Variants in GRM8 observed in about 807,000 individuals in gnomAD.
GRM8 encodes glutamate metabotropic receptor 8.
GRM8 carries 47 observed loss-of-function variants against 87.2 expected under a neutral mutation model. The observed-to-expected ratio is 0.54, with a 90% CI of 0.43 to 0.69. The LOEUF (loss-of-function observed/expected upper bound fraction) is 0.69, where lower values mean the gene tolerates loss of function less well. Ranked by LOEUF, GRM8 falls within the 30% of genes least tolerant of loss-of-function variation. GRM8 has a pLI of 0.00. For missense variants in GRM8, 1,019 were observed against 1,139.2 expected (o/e 0.89, Z 1.52); for synonymous variants, 396 against 404.5 (o/e 0.98, Z 0.25).
At chr7:126,631,914 A>G (rs1235762476) in intron 7 of GRM8, among the ~76,000 whole-genome samples, 3 of 152,198 alleles carry the variant, frequency 2.0e-5, no homozygotes, top group African/African-American at 7.2e-5. Flanking sequence ...TGTAAAACCC[A>G]AAACTATAAA....
intron 6 of GRM8, among the ~76,000 whole-genome samples, chr7:126,837,141 T>C (rs558898838): frequency 5.8e-4 from 88 of 152,288 alleles, no homozygotes; most frequent in Admixed American, 1.6e-3. Context: ...TTAGTCGGCA[T>C]AGGCATATCC....
At chr7:126,600,489 C>T (rs1317812598) in intron 8 of GRM8, among the ~76,000 whole-genome samples, 2 of 152,070 alleles carry the variant, frequency 1.3e-5, no homozygotes, top group Non-Finnish European at 2.9e-5. Context: ...TATACTGATG[C>T]CCTGCCATGG....
rs1035375400 is a variant in GRM8, at chr7:126,565,735, T to C, written c.1495-31848A>G. Among the ~76,000 whole-genome samples the C allele has an allele frequency of 3.3e-5, 5 of 152,088 alleles. No homozygotes were observed. In the East Asian group the frequency reaches 7.7e-4, roughly 23 times the overall value. On this transcript the variant is annotated intron_variant, in intron 8 of 10. Coordinates refer to ENST00000339582, the MANE Select transcript of GRM8 (RefSeq NM_000845.3). ...AAAGAACCCAAATAGCAAAGCAATTTTGAGCAAGAAGAACACAGCAGGAGG... is the reference window on the plus strand; with the variant it reads ...AAAGAACCCAAATAGCAAAGCAATTCTGAGCAAGAAGAACACAGCAGGAGG...
rs1822600676 is a variant in GRM8 at position 126,800,895 on chromosome 7, G to T, written c.1157-30830C>A. Reference sequence around the variant, plus strand: ...ATATTTTTAAAGCCATGTATTATTAGTACTATTAAAAAGCAAATAAATATC... The same window carrying T: ...ATATTTTTAAAGCCATGTATTATTATTACTATTAAAAAGCAAATAAATATC... On this transcript the variant is annotated intron_variant, in intron 6 of 10. Transcript: ENST00000339582. Among the ~76,000 whole-genome samples, 4 of 152,038 alleles carry T rather than the reference G, an allele frequency of 2.6e-5. No individual in the cohort carries two copies. The South Asian group carries it at 8.3e-4, about 32-fold the overall frequency.
At chr7:126,864,562 T>A (rs1039927176) in intron 6 of GRM8, among the ~76,000 whole-genome samples, 2 of 152,184 alleles carry the variant, frequency 1.3e-5, no homozygotes, top group Non-Finnish European at 2.9e-5. Context: ...AACCTTTAAG[T>A]CTATACTTAT....
intron 7 of GRM8, among the ~76,000 whole-genome samples, chr7:126,701,559 A>G (rs1329698729): frequency 6.6e-6 from 1 of 152,196 alleles, no homozygotes; most frequent in African/African-American, 2.4e-5. Flanking sequence ...AAACTCTCCC[A>G]GTGATTGCTG....
chr7:127,091,250 C>A (rs1419421356), intron 3 of GRM8, among the ~76,000 whole-genome samples: 1 of 152,012 alleles, frequency 6.6e-6, no homozygotes, highest in Admixed American at 6.6e-5. Flanking sequence ...ATCAGCTGAC[C>A]ACAGCAGGAC....
At chr7:126,507,605 T>C (rs1275267465) in intron 9 of GRM8, among the ~76,000 whole-genome samples, 2 of 152,090 alleles carry the variant, frequency 1.3e-5, no homozygotes, top group African/African-American at 4.8e-5. Context: ...TCTTTACTGG[T>C]ACTTTTTTCT....
intron 2 of GRM8, among the ~76,000 whole-genome samples, chr7:127,221,826 G>A (rs17863246): frequency 0.022 from 3,296 of 152,120 alleles, 45 homozygotes; most frequent in African/African-American, 0.036. Context: ...CCCTCAGTCA[G>A]GAATATCCCT....
intron 6 of GRM8, among the ~76,000 whole-genome samples, chr7:126,810,808 T>C (rs1735832853): frequency 6.6e-6 from 1 of 152,134 alleles, no homozygotes; most frequent in African/African-American, 2.4e-5. Flanking sequence ...TATGATTTGT[T>C]GGCGGATGTC....
rs148806332 is a variant in GRM8, at chr7:127,072,602, G to T, written c.727+33894C>A. ...TTTATGTCTGTTTGTTGCCCATCCT[G>T]CCAGCACTAAATGCTGAACCCTCAT... On this transcript the variant is annotated intron_variant, in intron 3 of 10. Transcript: ENST00000339582. 2.9e-4 allele frequency among the ~76,000 whole-genome samples: 44 copies of T among 150,404 alleles called. No homozygotes were observed. In the East Asian group the frequency reaches 3.5e-3, roughly 12 times the overall value.
At chr7:127,005,576 T>C (rs146416311) in intron 3 of GRM8, among the ~76,000 whole-genome samples, 1 of 151,852 alleles carries the variant, frequency 6.6e-6, no homozygotes, top group East Asian at 1.9e-4. Flanking sequence ...CCAAGCATGA[T>C]TCTATTTGCA....
At chr7:126,458,181 T>C (rs529022872) in intron 9 of GRM8, among the ~76,000 whole-genome samples, 2 of 150,916 alleles carry the variant, frequency 1.3e-5, no homozygotes, top group African/African-American at 4.8e-5. Flanking sequence ...CATGAGAACA[T>C]AGTAAAAAGA....
At chr7:126,648,795 C>T (rs1367610824) in intron 7 of GRM8, among the ~76,000 whole-genome samples, 8 of 152,000 alleles carry the variant, frequency 5.3e-5, no homozygotes, top group Non-Finnish European at 7.4e-5. Flanking sequence ...AAATGCTGAA[C>T]GACACTGATA....
At position 127,140,188 on chromosome 7, in the gene GRM8, C is replaced by T. The variant is rs569918346; in HGVS notation, c.511-33476G>A. Among the ~76,000 whole-genome samples the T allele has an allele frequency of 2.0e-5, 3 of 152,232 alleles. No individual in the cohort carries two copies. In the South Asian group the frequency reaches 6.2e-4, roughly 32 times the overall value. ...ATTTCAGCTTTTCTCAATCTCAGCA[C>T]TATTGACATCTTAGACTGGTTAATT... On this transcript the variant is annotated intron_variant, in intron 2 of 10. Coordinates refer to ENST00000339582, the MANE Select transcript of GRM8 (RefSeq NM_000845.3).
chr7:126,729,826 T>C (rs971289132), intron 7 of GRM8, among the ~76,000 whole-genome samples: 1 of 152,138 alleles, frequency 6.6e-6, no homozygotes, highest in African/African-American at 2.4e-5. Context: ...CTCTCAAGTA[T>C]TGAGGCAAAA....
chr7:127,140,345 C>T (rs1828194471), intron 2 of GRM8, among the ~76,000 whole-genome samples: 1 of 152,124 alleles, frequency 6.6e-6, no homozygotes, highest in African/African-American at 2.4e-5. Context: ...CCAGACATTG[C>T]CAAATGTCCC....
At chr7:127,146,560 G>C (rs1828566536) in intron 2 of GRM8, among the ~76,000 whole-genome samples, 1 of 152,090 alleles carries the variant, frequency 6.6e-6, no homozygotes, top group Non-Finnish European at 1.5e-5. Context: ...GGACATGTAA[G>C]TGTTTTTTCC....
intron 3 of GRM8, among the ~76,000 whole-genome samples, chr7:126,996,683 T>C (rs1384269863): frequency 6.6e-6 from 1 of 151,926 alleles, no homozygotes; most frequent in Admixed American, 6.6e-5. Flanking sequence ...AGACAAAAAC[T>C]ATAAGAAGAG....
Sources: allele counts gnomAD v4.1 joint callset (sites outside exome capture counted in the v4.1 genomes callset), GRCh38; gene constraint gnomAD v4.1.1; transcripts MANE v1.5; gene names NCBI Gene and HGNC (gene_info 2026-07-23, HGNC 2026-07-21).